The following JMJD1C variants were observed in gnomAD, a reference collection of about 807,000 sequenced individuals.
JMJD1C encodes jumonji domain-containing protein 1C.
Under a neutral mutation model 245.3 loss-of-function variants are expected in JMJD1C, and 31 were observed. That is an observed-to-expected ratio of 0.13 (90% confidence interval 0.09 to 0.17). The LOEUF (loss-of-function observed/expected upper bound fraction) is 0.17, where lower values mean the gene tolerates loss of function less well. Ranked by LOEUF, JMJD1C falls within the 10% of genes least tolerant of loss-of-function variation. JMJD1C has a pLI of 1.00. For synonymous variants in JMJD1C, 1,057 were observed against 1,017.4 expected (o/e 1.04, Z -0.74); for missense variants, 2,691 against 3,000.2 (o/e 0.90, Z 2.41).
chr10:63,502,654 A>C (rs1202740140), intron 1 of JMJD1C, among the ~76,000 whole-genome samples: 1 of 151,496 alleles, frequency 6.6e-6, no homozygotes, highest in Non-Finnish European at 1.5e-5. Context: ...AAAAAAAAAA[A>C]AAAAACCTGC....
intron 1 of JMJD1C, among the ~76,000 whole-genome samples, chr10:63,390,657 C>A (rs578164916): frequency 1.3e-5 from 2 of 152,184 alleles, no homozygotes; most frequent in South Asian, 4.2e-4. Flanking sequence ...AAATAGAAAA[C>A]CAAATTCAAC....
intron 2 of JMJD1C, among the ~76,000 whole-genome samples, chr10:63,319,456 CTCTCT>C (rs1940574225): frequency 6.7e-6 from 1 of 150,148 alleles, no homozygotes; most frequent in South Asian, 2.1e-4. Context: ...TTTCTTTCTT[CTCTCT>C]TGACTCTGAA....
At chr10:63,259,643 AC>A (rs1359627012) in intron 3 of JMJD1C, among the ~76,000 whole-genome samples, 5 of 152,206 alleles carry the variant, frequency 3.3e-5, no homozygotes, top group African/African-American at 1.2e-4. Context: ...AAATAGATAA[AC>A]AATCTGGCAC....
intron 1 of JMJD1C, among the ~76,000 whole-genome samples, chr10:63,391,415 C>T (rs1174635365): frequency 2.6e-5 from 4 of 151,986 alleles, no homozygotes; most frequent in African/African-American, 9.7e-5. Flanking sequence ...GAGGCTGAGG[C>T]AGGAGAATGG....
At chr10:63,425,692 G>A (rs1043741023) in intron 1 of JMJD1C, among the ~76,000 whole-genome samples, 1 of 152,192 alleles carries the variant, frequency 6.6e-6, no homozygotes, top group African/African-American at 2.4e-5. Context: ...TAAGGTGGGA[G>A]GACTGCTTAG....
At chr10:63,288,644 C>T (rs1368003320) in intron 2 of JMJD1C, among the ~76,000 whole-genome samples, 1 of 152,024 alleles carries the variant, frequency 6.6e-6, no homozygotes, top group Non-Finnish European at 1.5e-5. Context: ...GGCTCACACC[C>T]GTAATCCCAG....
intron 2 of JMJD1C, among the ~76,000 whole-genome samples, chr10:63,277,452 G>T (rs1167080800): frequency 2.0e-5 from 3 of 152,146 alleles, no homozygotes; most frequent in Admixed American, 1.3e-4. Context: ...CCTGATACAG[G>T]TAACTTTTAC....
At chr10:63,365,023 C>T (rs1945719807) in intron 2 of JMJD1C, among the ~76,000 whole-genome samples, 1 of 152,132 alleles carries the variant, frequency 6.6e-6, no homozygotes, top group African/African-American at 2.4e-5. Flanking sequence ...ATTTGATCAC[C>T]GCTTACTCCA....
chr10:63,333,446 G>T (rs1245688152), intron 2 of JMJD1C, among the ~76,000 whole-genome samples: 1 of 152,012 alleles, frequency 6.6e-6, no homozygotes, highest in East Asian at 1.9e-4. Flanking sequence ...TGACTTAGGG[G>T]ACTGGAGCAG....
intron 12 of JMJD1C, among the ~76,000 whole-genome samples, chr10:63,197,857 T>C (rs1032831021): frequency 6.6e-6 from 1 of 152,226 alleles, no homozygotes; most frequent in Non-Finnish European, 1.5e-5. Flanking sequence ...CTCTGTGCAT[T>C]GCAGACTGTT....
chr10:63,475,882 C>CA (rs1236037935), intron 1 of JMJD1C, among the ~76,000 whole-genome samples: 14 of 152,150 alleles, frequency 9.2e-5, no homozygotes, highest in African/African-American at 3.1e-4. Context: ...GCAAATCAAT[C>CA]CCCATCTTAA....
At chr10:63,496,166 G>C (rs550577171) in intron 1 of JMJD1C, among the ~76,000 whole-genome samples, 3 of 151,566 alleles carry the variant, frequency 2.0e-5, no homozygotes, top group Admixed American at 1.3e-4. Context: ...TATGTAATCA[G>C]CAAAATCAAG....
chr10:63,360,265 G>A (rs1028878553), intron 2 of JMJD1C, among the ~76,000 whole-genome samples: 3 of 152,124 alleles, frequency 2.0e-5, no homozygotes, highest in African/African-American at 4.8e-5. Flanking sequence ...GGAGGCTGAG[G>A]TAGAAGCATC....
chr10:63,398,623 A>C (rs1290449982), intron 1 of JMJD1C, among the ~76,000 whole-genome samples: 3 of 151,890 alleles, frequency 2.0e-5, no homozygotes, highest in Non-Finnish European at 4.4e-5. Context: ...TAATTGCTTC[A>C]TCATTTACTA....
At chr10:63,517,656 A>G (rs1564983895) in intron 1 of JMJD1C, among the ~76,000 whole-genome samples, 2 of 152,332 alleles carry the variant, frequency 1.3e-5, no homozygotes, top group South Asian at 2.1e-4. Context: ...TATCTTCTAT[A>G]TAAGAAATGA....
At chr10:63,469,260 G>T (rs780973992), upstream of JMJD1C, among the ~76,000 whole-genome samples, 1 of 152,100 alleles carries the variant, frequency 6.6e-6, no homozygotes, top group Non-Finnish European at 1.5e-5. Flanking sequence ...ACCACTTATA[G>T]AACACTTACT....
At chr10:63,399,584 T>C (rs1318113430) in intron 1 of JMJD1C, among the ~76,000 whole-genome samples, 1 of 152,192 alleles carries the variant, frequency 6.6e-6, no homozygotes. Flanking sequence ...TGTCACACAA[T>C]ATATATACAA....
At chr10:63,363,252 CTTTTT>C (rs71463517) in intron 2 of JMJD1C, among the ~76,000 whole-genome samples, 3 of 99,866 alleles carry the variant, frequency 3.0e-5, no homozygotes, top group African/African-American at 3.8e-5. Flanking sequence ...TCATACAATT[CTTTTT>C]TTTTTTTTTT....
intron 1 of JMJD1C, among the ~76,000 whole-genome samples, chr10:63,423,538 T>C (rs1353941494): frequency 6.6e-6 from 1 of 152,240 alleles, no homozygotes; most frequent in Admixed American, 6.5e-5. Context: ...CCACCTCACT[T>C]TATTTATCAA....
Sources: allele counts gnomAD v4.1 joint callset (sites outside exome capture counted in the v4.1 genomes callset), GRCh38; gene constraint gnomAD v4.1.1; transcripts MANE v1.5; gene names NCBI Gene and HGNC (gene_info 2026-07-23, HGNC 2026-07-21).